ATF7: variants seen among roughly 807,000 people sequenced by gnomAD.
The protein encoded by ATF7 is activating transcription factor 7, also known as cyclic AMP-dependent transcription factor ATF-7.
ATF7 carries 10 observed loss-of-function variants against 50.4 expected under a neutral mutation model. That is an observed-to-expected ratio of 0.20 (90% confidence interval 0.12 to 0.34). The LOEUF (loss-of-function observed/expected upper bound fraction) is 0.34, where lower values mean the gene tolerates loss of function less well. Among genes scored for constraint, ATF7 ranks in the 10% least tolerant of loss-of-function variants. The pLI is 1.00. For synonymous variants in ATF7, 201 were observed against 226.4 expected, an observed-to-expected ratio of 0.89 and a Z score of 1.01; for missense variants, 465 against 613.9, an observed-to-expected ratio of 0.76 and a Z score of 2.56.
At chr12:53,567,587 T>C (rs1322078924) in intron 2 of ATF7, among the ~76,000 whole-genome samples, 2 of 152,190 alleles carry the variant, frequency 1.3e-5, no homozygotes, top group Non-Finnish European at 2.9e-5. Flanking sequence ...AGCTACTTAC[T>C]TGGATGGGTT....
chr12:53,535,279 G>A (rs184678922), intron 5 of ATF7, among the ~76,000 whole-genome samples: 68 of 146,622 alleles, frequency 4.6e-4, no homozygotes, highest in African/African-American at 1.6e-3. Flanking sequence ...GCAGTGAGCT[G>A]AGATCGCACC....
intron 2 of ATF7, among the ~76,000 whole-genome samples, chr12:53,577,424 GAAAC>G (rs1164998724): frequency 1.3e-5 from 2 of 150,112 alleles, no homozygotes; most frequent in African/African-American, 5.0e-5. Context: ...GAGAAAGAAA[GAAAC>G]ACACACGGCC....
At chr12:53,591,893 C>T (rs1455440316) in intron 2 of ATF7, among the ~76,000 whole-genome samples, 2 of 152,194 alleles carry the variant, frequency 1.3e-5, no homozygotes, top group Admixed American at 6.5e-5. Context: ...ATTTATTCTG[C>T]TGACTTTCCC....
intron 11 of ATF7, among the ~76,000 whole-genome samples, chr12:53,520,611 A>T (rs998893937): frequency 6.6e-6 from 1 of 152,092 alleles, no homozygotes; most frequent in African/African-American, 2.4e-5. Context: ...CCTCTGAATT[A>T]CAAATCCATA....
intron 4 of ATF7, chr12:53,542,899 GATAA>G: frequency 9.9e-7 from 1 of 1,013,736 alleles, no homozygotes; most frequent in South Asian, 4.4e-5. Context: ...GTGGAAATTT[GATAA>G]ATGTTTATTG....
intron 9 of ATF7, among the ~76,000 whole-genome samples, chr12:53,531,175 T>C (rs112869751): frequency 0.11 from 16,577 of 151,530 alleles, 1,638 homozygotes; most frequent in African/African-American, 0.25. Context: ...AATCCCAGCA[T>C]TCTGGGAGGC....
chr12:53,545,406 G>T (rs374309829), intron 3 of ATF7, among the ~76,000 whole-genome samples: 1 of 152,024 alleles, frequency 6.6e-6, no homozygotes, highest in African/African-American at 2.4e-5. Context: ...TGCAACCTCC[G>T]CCTCACCGTA....
At chr12:53,586,232 T>C (rs1008681879) in intron 2 of ATF7, among the ~76,000 whole-genome samples, 1 of 152,114 alleles carries the variant, frequency 6.6e-6, no homozygotes, top group Non-Finnish European at 1.5e-5. Flanking sequence ...TACACAGACA[T>C]CTAGACCCCT....
chr12:53,584,512 T>C (rs1315609884), intron 2 of ATF7, among the ~76,000 whole-genome samples: 1 of 152,176 alleles, frequency 6.6e-6, no homozygotes, highest in Non-Finnish European at 1.5e-5. Flanking sequence ...TACCATATGA[T>C]CCAGTGATCA....
intron 9 of ATF7, 55 bp downstream of exon 9, chr12:53,531,689 A>T: frequency 2.6e-6 from 4 of 1,514,474 alleles, no homozygotes; most frequent in Non-Finnish European, 3.6e-6. Context: ...TGAACAATAG[A>T]TATGACATAA....
intron 9 of ATF7, among the ~76,000 whole-genome samples, chr12:53,525,912 A>C (rs935659334): frequency 6.6e-6 from 1 of 152,186 alleles, no homozygotes; most frequent in Admixed American, 6.5e-5. Flanking sequence ...GATTTAAAAA[A>C]ATAAGTTATA....
chr12:53,571,995 A>G (rs2137630520), intron 2 of ATF7, among the ~76,000 whole-genome samples: 1 of 152,114 alleles, frequency 6.6e-6, no homozygotes, highest in Admixed American at 6.5e-5. Context: ...TGAACCTGAG[A>G]GACGGAGGTT....
rs1384654875 is a variant in ATF7, at chr12:53,517,063, G to A, written c.*74C>T. 5.3e-6 allele frequency: 8 copies of A among 1,499,064 alleles called. No homozygotes were observed. Among genetic ancestry groups the A allele is most frequent in the Non-Finnish European group, 7.3e-6 (8 of 1,090,998 alleles). 92.9% of individuals were successfully genotyped at this position (1,499,064 alleles called of 1,614,324 possible). ...ATTGCCATGTCCAAGGCAGATGGGA[G>A]GGGATAAGATGACATCTCTCTTGGC... is the stretch of plus-strand genomic sequence containing the variant. On this transcript the variant is annotated 3_prime_UTR_variant, in exon 12 of 12. Transcript: ENST00000420353.
chr12:53,590,911 T>G (rs1222655595), intron 2 of ATF7, among the ~76,000 whole-genome samples: 2 of 152,226 alleles, frequency 1.3e-5, no homozygotes, highest in Admixed American at 1.3e-4. Flanking sequence ...GAGATTTTTA[T>G]GGCAGTGAGA....
intron 1 of ATF7, among the ~76,000 whole-genome samples, chr12:53,604,892 G>A (rs79050264): frequency 0.039 from 6,000 of 152,018 alleles, 361 homozygotes; most frequent in African/African-American, 0.13. Flanking sequence ...AAGACAATAG[G>A]CCTTTACACA....
rs967903874 is a variant in ATF7 at position 53,524,207 on chromosome 12, C to T, written c.1125+357G>A. Among the ~76,000 whole-genome samples the T allele has an allele frequency of 2.0e-5, 3 of 152,006 alleles. No individual in the cohort carries two copies. The highest frequency in any genetic ancestry group is 4.4e-5 in the Non-Finnish European group (3 of 67,990). ...TTGTGCTTGTAGCACTTTTTTCTTT[C>T]TCTCTTTTATTAAGCTGCATTATCT... is the stretch of plus-strand genomic sequence containing the variant. On this transcript the variant is annotated intron_variant, in intron 10 of 11. Transcript: ENST00000420353. This position sits in a 1 kb window ranked among gnomAD's most constrained non-coding sequence, Gnocchi z 4.6.
At chr12:53,556,249 A>G (rs1333959835) in intron 2 of ATF7, among the ~76,000 whole-genome samples, 5 of 152,218 alleles carry the variant, frequency 3.3e-5, no homozygotes, top group Admixed American at 1.3e-4. Flanking sequence ...CCGTATTATA[A>G]TATCATTAAT....
chr12:53,600,133 G>T (rs1215495894), intron 2 of ATF7, among the ~76,000 whole-genome samples: 3 of 152,030 alleles, frequency 2.0e-5, no homozygotes, highest in African/African-American at 7.3e-5. Flanking sequence ...TATTGGATTC[G>T]TCTTTCCTAG....
chr12:53,579,694 G>C (rs910792138), intron 2 of ATF7, among the ~76,000 whole-genome samples: 2 of 152,160 alleles, frequency 1.3e-5, no homozygotes, highest in Non-Finnish European at 2.9e-5. Flanking sequence ...GGTTTGGCAT[G>C]AACTCTGAAC....
Sources: allele counts gnomAD v4.1 joint callset (sites outside exome capture counted in the v4.1 genomes callset), GRCh38; gene constraint gnomAD v4.1.1; non-coding constraint Gnocchi (gnomAD v3.1); transcripts MANE v1.5; gene names NCBI Gene and HGNC (gene_info 2026-07-23, HGNC 2026-07-21).